AFG2A: variants seen among roughly 807,000 people sequenced by gnomAD.
AFG2A encodes AAA ATPase AFG2A.
the AFG2A span, among the ~76,000 whole-genome samples, chr4:123,007,294 T>G: frequency 6.6e-6 from 1 of 151,970 alleles, no homozygotes; most frequent in Non-Finnish European, 1.5e-5. Flanking sequence ...GAGTTTCCAC[T>G]CTGGCTATTC....
the AFG2A span, among the ~76,000 whole-genome samples, chr4:123,138,669 A>G: frequency 6.6e-6 from 1 of 152,114 alleles, no homozygotes; most frequent in Non-Finnish European, 1.5e-5. Flanking sequence ...TTGTAATCAT[A>G]ACAGCGTACA....
At chr4:123,269,512 C>CA in the AFG2A span, among the ~76,000 whole-genome samples, 1 of 152,206 alleles carries the variant, frequency 6.6e-6, no homozygotes, top group African/African-American at 2.4e-5. Flanking sequence ...TCCATCTTGA[C>CA]AAGTTTGCAC....
the AFG2A span, among the ~76,000 whole-genome samples, chr4:123,123,477 A>G: frequency 6.6e-6 from 1 of 152,208 alleles, no homozygotes; most frequent in Non-Finnish European, 1.5e-5. Context: ...TAGTGATAAC[A>G]TCTCATATCA....
At chr4:123,007,259 C>T in the AFG2A span, among the ~76,000 whole-genome samples, 4 of 151,984 alleles carry the variant, frequency 2.6e-5, no homozygotes, top group African/African-American at 9.7e-5. Context: ...CTTTTTAGTA[C>T]TCTACCTAAT....
At chr4:123,276,346 T>G in the AFG2A span, among the ~76,000 whole-genome samples, 3 of 152,128 alleles carry the variant, frequency 2.0e-5, no homozygotes, top group Non-Finnish European at 4.4e-5. Context: ...TTTTTTTGCT[T>G]GTAAATGTAA....
chr4:123,031,785 T>A, the AFG2A span, among the ~76,000 whole-genome samples: 1 of 152,220 alleles, frequency 6.6e-6, no homozygotes, highest in East Asian at 1.9e-4. Flanking sequence ...GAAAGAACCT[T>A]TTAGCTTCCT....
chr4:123,003,960 C>G, the AFG2A span, among the ~76,000 whole-genome samples: 3 of 152,200 alleles, frequency 2.0e-5, no homozygotes, highest in African/African-American at 7.2e-5. Context: ...GTGGGCTCCA[C>G]CCAGTTCAAG....
At chr4:123,174,492 T>A in the AFG2A span, among the ~76,000 whole-genome samples, 8 of 152,206 alleles carry the variant, frequency 5.3e-5, no homozygotes, top group Non-Finnish European at 1.0e-4. Flanking sequence ...TAGCTAAGTC[T>A]ATTTTGAAAT....
the AFG2A span, among the ~76,000 whole-genome samples, chr4:122,955,658 A>G: frequency 1.3e-5 from 2 of 152,176 alleles, no homozygotes; most frequent in Admixed American, 6.5e-5. Flanking sequence ...AACTTGGAAG[A>G]GATATTTAGG....
At chr4:123,218,273 A>G in the AFG2A span, among the ~76,000 whole-genome samples, 7 of 152,178 alleles carry the variant, frequency 4.6e-5, no homozygotes, top group African/African-American at 1.7e-4. Flanking sequence ...AAAAGTAGGC[A>G]ATGGATGGAA....
At chr4:123,273,416 GA>G in the AFG2A span, among the ~76,000 whole-genome samples, 2 of 151,882 alleles carry the variant, frequency 1.3e-5, no homozygotes, top group Non-Finnish European at 2.9e-5. Context: ...CTATTTCATT[GA>G]AAATATGATT....
chr4:123,059,522 C>A, the AFG2A span, among the ~76,000 whole-genome samples: 13 of 152,040 alleles, frequency 8.6e-5, no homozygotes, highest in Admixed American at 2.0e-4. Flanking sequence ...CATGGTGTAT[C>A]TGTGCCACAT....
At chr4:123,123,693 A>G in the AFG2A span, among the ~76,000 whole-genome samples, 1 of 152,044 alleles carries the variant, frequency 6.6e-6, no homozygotes, top group African/African-American at 2.4e-5. Context: ...CACGCCTGTA[A>G]TCCCAGCACT....
chr4:123,175,213 T>C, the AFG2A span, among the ~76,000 whole-genome samples: 1 of 152,042 alleles, frequency 6.6e-6, no homozygotes, highest in African/African-American at 2.4e-5. Flanking sequence ...AGTAAAAAAA[T>C]TAACAGAATA....
At chr4:122,937,333 G>A in the AFG2A span, among the ~76,000 whole-genome samples, 1 of 152,086 alleles carries the variant, frequency 6.6e-6, no homozygotes, top group Non-Finnish European at 1.5e-5. Context: ...CTATAGGTGA[G>A]CACCACCATG....
chr4:123,011,190 T>G, the AFG2A span, among the ~76,000 whole-genome samples: 2 of 152,340 alleles, frequency 1.3e-5, no homozygotes, highest in Admixed American at 1.3e-4. Flanking sequence ...CTGAACTGCT[T>G]TTAAAGTTTG....
the AFG2A span, among the ~76,000 whole-genome samples, chr4:123,172,745 G>A: frequency 9.2e-5 from 14 of 151,920 alleles, no homozygotes; most frequent in African/African-American, 3.1e-4. Context: ...TTAAGATGTT[G>A]CTTTGTTGGT....
chr4:123,294,074 A>T, the AFG2A span, among the ~76,000 whole-genome samples: 2 of 152,114 alleles, frequency 1.3e-5, no homozygotes, highest in African/African-American at 4.8e-5. Context: ...AAGTTTTCTG[A>T]TGCCACAGGC....
At chr4:123,016,678 T>C in the AFG2A span, among the ~76,000 whole-genome samples, 24 of 142,314 alleles carry the variant, frequency 1.7e-4, no homozygotes, top group African/African-American at 6.3e-4. Flanking sequence ...TCCCAGACGA[T>C]GGGCGGCCAG....
Sources: allele counts gnomAD v4.1 joint callset (sites outside exome capture counted in the v4.1 genomes callset), GRCh38; gene constraint gnomAD v4.1.1; transcripts MANE v1.5; gene names NCBI Gene and HGNC (gene_info 2026-07-23, HGNC 2026-07-21).